The following PCDH11X variants were observed in gnomAD, a reference collection of about 807,000 sequenced individuals.
The protein encoded by PCDH11X is protocadherin 11 X-linked.
PCDH11X carries 18 observed loss-of-function variants against 53.3 expected under a neutral mutation model. That is an observed-to-expected ratio of 0.34 (90% CI 0.23 to 0.50). The LOEUF is 0.50. Ranked by LOEUF, PCDH11X falls within the 20% of genes least tolerant of loss-of-function variation. The pLI is 0.98. For synonymous variants in PCDH11X, 279 were observed against 393.3 expected (o/e 0.71, Z 3.44); for missense variants, 570 against 1,032.4 (o/e 0.55, Z 6.14).
At chrX:92,338,126 A>G (rs2069664703) in intron 8 of PCDH11X, among the ~76,000 whole-genome samples, 1 of 111,997 alleles carries the variant, frequency 8.9e-6, no homozygotes. Flanking sequence ...TCAATTTTCT[A>G]AGATCTGTTC....
At chrX:92,018,652 T>C (rs1305440591) in intron 6 of PCDH11X, among the ~76,000 whole-genome samples, 6 of 112,596 alleles carry the variant, frequency 5.3e-5, no homozygotes, top group East Asian at 5.6e-4. Flanking sequence ...ATGCTTCATA[T>C]AGTATCTAAT....
intron 8 of PCDH11X, among the ~76,000 whole-genome samples, chrX:92,278,806 G>GTTTTTTTTTTTTTTTTTTTTTTTT (rs35000823): frequency 4.2e-5 from 2 of 47,396 alleles, no homozygotes; most frequent in African/African-American, 1.9e-4. Flanking sequence ...TCTCTTTTCA[G>GTTTTTTTTTTTTTTTTTTTTTTTT]TTTTTTTTTT....
At chrX:92,451,574 A>G (rs976183177) in intron 9 of PCDH11X, among the ~76,000 whole-genome samples, 1 of 111,134 alleles carries the variant, frequency 9.0e-6, no homozygotes, top group Non-Finnish European at 1.9e-5. Flanking sequence ...CTTTGAGTCT[A>G]CCGATTATTT....
At chrX:92,059,732 G>A (rs60283358) in intron 6 of PCDH11X, among the ~76,000 whole-genome samples, 32,347 of 109,343 alleles carry the variant, frequency 0.3, 5,337 homozygotes, top group African/African-American at 0.62. Context: ...TGATTTTTAT[G>A]ATGGGGAACA....
At chrX:91,793,193 G>T (rs1271837576) in intron 1 of PCDH11X, among the ~76,000 whole-genome samples, 1 of 108,879 alleles carries the variant, frequency 9.2e-6, no homozygotes, top group Non-Finnish European at 1.9e-5. Flanking sequence ...TATGAGGAAA[G>T]AGGCAAGACA....
chrX:91,837,832 C>G (rs1474639001), intron 5 of PCDH11X, among the ~76,000 whole-genome samples: 1 of 111,329 alleles, frequency 9.0e-6, no homozygotes, highest in Non-Finnish European at 1.9e-5. Flanking sequence ...ACCAGTCACA[C>G]GTAGCTGTAG....
chrX:92,380,376 C>A (rs753239349), intron 8 of PCDH11X, among the ~76,000 whole-genome samples: 1 of 111,877 alleles, frequency 8.9e-6, no homozygotes, highest in South Asian at 3.7e-4. Flanking sequence ...CTGAGTGCAG[C>A]CTGCCAAGCC....
intron 10 of PCDH11X, among the ~76,000 whole-genome samples, chrX:92,568,192 C>T (rs753580619): frequency 2.5e-4 from 28 of 109,908 alleles, no homozygotes; most frequent in East Asian, 5.8e-4. Context: ...GAGGCCAAGG[C>T]GGGCAGATCA....
intron 7 of PCDH11X, among the ~76,000 whole-genome samples, chrX:92,260,460 C>T (rs2067692217): frequency 9.0e-6 from 1 of 111,254 alleles, no homozygotes; most frequent in African/African-American, 3.3e-5. Flanking sequence ...CCTCCTCTGC[C>T]TGGGGTTGGG....
chrX:92,347,154 G>A, intron 8 of PCDH11X, among the ~76,000 whole-genome samples: 1 of 111,391 alleles, frequency 9.0e-6, no homozygotes, highest in East Asian at 2.8e-4. Flanking sequence ...AAAATTATTT[G>A]CATATGTGGA....
chrX:92,424,637 G>A (rs1471476512), intron 9 of PCDH11X, among the ~76,000 whole-genome samples: 1 of 96,858 alleles, frequency 1.0e-5, no homozygotes, highest in African/African-American at 3.4e-5. Flanking sequence ...CTAGCTGTCA[G>A]CTCTATACCT....
At chrX:92,242,790 T>C (rs2067283942) in intron 7 of PCDH11X, among the ~76,000 whole-genome samples, 1 of 110,872 alleles carries the variant, frequency 9.0e-6, no homozygotes, top group South Asian at 3.8e-4. Flanking sequence ...TTATTATTAT[T>C]AAATTTAGCA....
intron 5 of PCDH11X, among the ~76,000 whole-genome samples, chrX:91,872,108 A>C (rs1182894127): frequency 9.1e-6 from 1 of 110,411 alleles, no homozygotes; most frequent in African/African-American, 3.3e-5. Flanking sequence ...TCCATGTTTG[A>C]CAGATGTAGG....
chrX:92,411,887 G>A (rs1394700190), intron 9 of PCDH11X, among the ~76,000 whole-genome samples: 2 of 54,977 alleles, frequency 3.6e-5, no homozygotes, highest in East Asian at 6.1e-4. Context: ...AGAAGAAAAA[G>A]AAGAAGAAGA....
chrX:92,076,440 C>G (rs2063774052), intron 6 of PCDH11X, among the ~76,000 whole-genome samples: 1 of 101,454 alleles, frequency 9.9e-6, no homozygotes, highest in Non-Finnish European at 1.9e-5. Context: ...GTTCAGAAAT[C>G]CTTCCAGTAA....
At chrX:92,234,378 C>T (rs1023936750) in intron 7 of PCDH11X, among the ~76,000 whole-genome samples, 7 of 111,881 alleles carry the variant, frequency 6.3e-5, no homozygotes, top group East Asian at 2.8e-4. Flanking sequence ...TACCAGAAGA[C>T]GTGAAGTGGG....
At chrX:92,475,304 T>A (rs1218462665) in intron 10 of PCDH11X, among the ~76,000 whole-genome samples, 1 of 110,838 alleles carries the variant, frequency 9.0e-6, no homozygotes, top group Non-Finnish European at 1.9e-5. Flanking sequence ...CTCATTAACA[T>A]TCTATTCTTT....
intron 7 of PCDH11X, among the ~76,000 whole-genome samples, chrX:92,228,274 T>A (rs746498799): frequency 4.1e-4 from 46 of 111,905 alleles, no homozygotes; most frequent in Non-Finnish European, 6.0e-4. Flanking sequence ...AAGAAGATAG[T>A]GATGTTTTCC....
intron 6 of PCDH11X, among the ~76,000 whole-genome samples, chrX:91,919,563 A>G (rs1194470188): frequency 9.0e-6 from 1 of 111,226 alleles, no homozygotes; most frequent in African/African-American, 3.3e-5. Context: ...GCTTTTGGAA[A>G]TTGCTGTTTT....
Sources: allele counts gnomAD v4.1 joint callset (sites outside exome capture counted in the v4.1 genomes callset), GRCh38; gene constraint gnomAD v4.1.1; transcripts MANE v1.5; gene names NCBI Gene and HGNC (gene_info 2026-07-23, HGNC 2026-07-21).